Variants in CALN1 observed in about 807,000 individuals in gnomAD.
The protein encoded by CALN1 is calcium-binding protein 8.
A neutral mutation model predicts 30.6 loss-of-function variants in CALN1; 17 were observed. The observed-to-expected ratio is 0.56, with a 90% confidence interval of 0.38 to 0.83. CALN1 has a LOEUF of 0.83. Among genes scored for constraint, CALN1 ranks in the 40% least tolerant of loss-of-function variants. CALN1 has a pLI of 0.00. For missense variants in CALN1, 291 were observed against 354.9 expected (o/e 0.82, Z 1.45); for synonymous variants, 156 against 131.4 (o/e 1.19, Z -1.28).
intron 4 of CALN1, among the ~76,000 whole-genome samples, chr7:72,099,928 G>A (rs147096176): frequency 6.6e-6 from 1 of 152,184 alleles, no homozygotes; most frequent in Non-Finnish European, 1.5e-5. Flanking sequence ...CAAATAAACT[G>A]GTGAAACTTG....
intron 5 of CALN1, among the ~76,000 whole-genome samples, chr7:71,860,982 A>C (rs1026373057): frequency 2.6e-5 from 4 of 152,154 alleles, no homozygotes; most frequent in African/African-American, 9.7e-5. Flanking sequence ...GTTCAAAGTA[A>C]CCCACATTAT....
intron 5 of CALN1, among the ~76,000 whole-genome samples, chr7:71,859,042 G>T (rs1020593177): frequency 5.9e-5 from 9 of 151,964 alleles, no homozygotes; most frequent in Non-Finnish European, 1.0e-4. Flanking sequence ...TTTTCTTTTT[G>T]TCTTTTTTCT....
intron 6 of CALN1, among the ~76,000 whole-genome samples, chr7:71,808,966 T>A (rs559543390): frequency 2.6e-5 from 4 of 152,252 alleles, no homozygotes; most frequent in African/African-American, 7.2e-5. Context: ...GACCACCCCA[T>A]CCTGCCCTTA....
intron 2 of CALN1, chr7:72,336,933 A>T (rs1763312376): frequency 1.0e-6 from 1 of 984,816 alleles, no homozygotes; most frequent in Non-Finnish European, 1.2e-6. Flanking sequence ...GCGCGCCGGG[A>T]CCTGCACGAG....
intron 3 of CALN1, among the ~76,000 whole-genome samples, chr7:72,165,816 T>C (rs190026763): frequency 2.0e-5 from 3 of 152,080 alleles, no homozygotes; most frequent in African/African-American, 7.2e-5. Context: ...ATTGTGTTTG[T>C]AATGCCAGGT....
chr7:72,389,344 CCTT>C (rs1585638456), intron 2 of CALN1, among the ~76,000 whole-genome samples: 3 of 152,330 alleles, frequency 2.0e-5, no homozygotes, highest in East Asian at 3.9e-4. Flanking sequence ...TTCATAGCCT[CCTT>C]CTTTCTGGCT....
At chr7:72,467,697 A>T in the CALN1 span, among the ~76,000 whole-genome samples, 1 of 152,124 alleles carries the variant, frequency 6.6e-6, no homozygotes, top group Admixed American at 6.6e-5. Context: ...CTGCTACACA[A>T]CTATTGTCTT....
At chr7:72,300,432 A>G (rs1430795501) in intron 2 of CALN1, among the ~76,000 whole-genome samples, 2 of 151,158 alleles carry the variant, frequency 1.3e-5, no homozygotes, top group South Asian at 4.2e-4. Flanking sequence ...AAAGATAAAA[A>G]CAAGAAAAAA....
chr7:71,980,187 C>CTTT (rs60273576), intron 5 of CALN1, among the ~76,000 whole-genome samples: 3 of 107,264 alleles, frequency 2.8e-5, no homozygotes, highest in Admixed American at 9.6e-5. Context: ...TCTTCTTTTT[C>CTTT]TTTTTTTTTT....
intron 2 of CALN1, among the ~76,000 whole-genome samples, chr7:72,292,993 G>C (rs1180464800): frequency 6.6e-6 from 1 of 151,952 alleles, no homozygotes; most frequent in African/African-American, 2.4e-5. Flanking sequence ...GAGCTTTCTG[G>C]GGGGCAGGGA....
chr7:72,126,514 CAAAAG>C (rs1808775467), intron 3 of CALN1, among the ~76,000 whole-genome samples: 1 of 152,048 alleles, frequency 6.6e-6, no homozygotes, highest in Non-Finnish European at 1.5e-5. Context: ...GATAGACACC[CAAAAG>C]AAAAGTGGTG....
rs557838558 is a variant in CALN1 at position 72,220,672 on chromosome 7, G to T, written c.244+58014C>A. On this transcript the variant is annotated intron_variant, in intron 3 of 6. Transcript: ENST00000395275. The stretch of plus-strand genomic sequence containing the variant: ...ACAGTCCCACCAACAGTGTAAAAGT[G>T]TTCCTATTTCTCCACATCCTCTCCA... Among the ~76,000 whole-genome samples, 415 of 152,250 alleles carry T rather than the reference G, an allele frequency of 2.7e-3. 3 individuals are homozygous for T. Among genetic ancestry groups the T allele is most frequent in the African/African-American group, 9.4e-3 (392 of 41,550 alleles).
chr7:71,836,194 C>G (rs189525319), intron 5 of CALN1, among the ~76,000 whole-genome samples: 1 of 152,206 alleles, frequency 6.6e-6, no homozygotes, highest in Admixed American at 6.5e-5. Context: ...CGCCTACCTG[C>G]GGATCCTGGA....
intron 1 of CALN1, among the ~76,000 whole-genome samples, chr7:72,434,222 G>A (rs1433428865): frequency 2.0e-5 from 3 of 151,806 alleles, no homozygotes; most frequent in African/African-American, 4.8e-5. Context: ...TAATTTACCA[G>A]CCAGGCACAG....
chr7:72,229,079 A>C (rs1793897566), intron 3 of CALN1, among the ~76,000 whole-genome samples: 1 of 151,608 alleles, frequency 6.6e-6, no homozygotes, highest in South Asian at 2.1e-4. Flanking sequence ...TTTAATTATT[A>C]TTATTTGTCC....
At chr7:71,864,700 C>T (rs148401882) in intron 5 of CALN1, among the ~76,000 whole-genome samples, 1 of 152,108 alleles carries the variant, frequency 6.6e-6, no homozygotes, top group African/African-American at 2.4e-5. Flanking sequence ...TATTATACAA[C>T]AATAGAAAAT....
At chr7:72,254,181 G>T (rs1268842011) in intron 3 of CALN1, among the ~76,000 whole-genome samples, 1 of 152,078 alleles carries the variant, frequency 6.6e-6, no homozygotes, top group African/African-American at 2.4e-5. Context: ...TCGGTGCTGC[G>T]CTGTCTCTCT....
intron 5 of CALN1, among the ~76,000 whole-genome samples, chr7:71,888,810 A>G (rs1793071917): frequency 6.6e-6 from 1 of 151,986 alleles, no homozygotes; most frequent in African/African-American, 2.4e-5. Context: ...AAAGGGGAGG[A>G]GGGCAGGGGA....
intron 2 of CALN1, among the ~76,000 whole-genome samples, chr7:72,292,015 A>G (rs1426934238): frequency 6.6e-6 from 1 of 152,060 alleles, no homozygotes; most frequent in Non-Finnish European, 1.5e-5. Context: ...AAAAAAAAAA[A>G]GAATTTCAAC....
Sources: gnomAD v4.1 joint callset for allele counts (sites outside exome capture counted in the v4.1 genomes callset) on GRCh38, gnomAD v4.1.1 for gene constraint, MANE v1.5 for transcripts, NCBI Gene and HGNC (gene_info 2026-07-23, HGNC 2026-07-21) for gene names.